MYH4: variants seen among roughly 807,000 people sequenced by gnomAD.
MYH4 encodes myosin heavy chain 4.
A neutral mutation model predicts 229.9 loss-of-function variants in MYH4; 200 were observed. The observed-to-expected ratio is 0.87, with a 90% CI of 0.78 to 0.98. MYH4 has a LOEUF of 0.98. MYH4 is among the 50% of genes least tolerant of loss of function. The pLI is 0.00. For missense variants in MYH4, 2,148 were observed against 2,332.6 expected (o/e 0.92, Z 1.63); for synonymous variants, 761 against 834.6 (o/e 0.91, Z 1.52).
chr17:10,454,457 A>T, intron 22 of MYH4, 98 bp downstream of exon 22: 1 of 1,489,196 alleles, frequency 6.7e-7, no homozygotes, highest in Non-Finnish European at 9.0e-7. Flanking sequence ...GGTGTTTTTG[A>T]ACAGCAAACA....
chr17:10,465,743 G>T, intron 4 of MYH4, 145 bp from the exon 5 acceptor site: 1 of 952,710 alleles, frequency 1.0e-6, no homozygotes, highest in African/African-American at 1.7e-5. Context: ...TTCCATCATT[G>T]CTGCTGCACA....
intron 23 of MYH4, 110 bp from the exon 24 acceptor site, chr17:10,453,438 A>G: frequency 1.9e-6 from 3 of 1,582,792 alleles, no homozygotes; most frequent in Non-Finnish European, 2.6e-6. Flanking sequence ...GAAAATGAGA[A>G]CCAGGAGCTA....
intron 33 of MYH4, 88 bp downstream of exon 33, chr17:10,448,308 C>T (rs983985888): frequency 2.3e-5 from 33 of 1,440,032 alleles, no homozygotes; most frequent in Non-Finnish European, 2.8e-5. Context: ...TGTGTTATTC[C>T]CTAAAGATTT....
chr17:10,451,284 A>G (rs778545773), intron 28 of MYH4, 42 bp downstream of exon 28: 11 of 1,603,084 alleles, frequency 6.9e-6, no homozygotes, highest in Admixed American at 3.5e-5. Context: ...CTTGTCTTTC[A>G]TTCGTCACCT....
intron 3 of MYH4, 35 bp downstream of exon 3, chr17:10,466,507 G>A (rs2072769085): frequency 3.7e-6 from 6 of 1,613,656 alleles, no homozygotes; most frequent in Non-Finnish European, 5.1e-6. Context: ...CCAAAATGAG[G>A]CAGAGTCTAA....
rs942173104 is a variant in MYH4 at position 10,453,653 on chromosome 17, G to A, written c.2924C>T (p.Thr975Ile). The change falls in exon 23 of 40, where the codon ACA (threonine) becomes ATA (isoleucine). Residue 975 changes from threonine (T) to isoleucine (I), a missense_variant. Transcript: ENST00000255381. ...GATCATGATTTGTACCTTGTTCTCT[G>A]TGGCATGTTTCTCCTTCTCAACCTT... Reference protein sequence around the residue: ...LAKVEKEKHATENKVKNLTEE... With the variant: ...LAKVEKEKHAIENKVKNLTEE... The A allele has an allele frequency of 9.9e-6, 16 of 1,614,066 alleles. No homozygotes were observed. The highest frequency in any genetic ancestry group is 2.2e-5 in the East Asian group (1 of 44,880).
chr17:10,451,555 T>G (rs2072573786), intron 27 of MYH4, 103 bp from the exon 28 acceptor site: 1 of 1,279,640 alleles, frequency 7.8e-7, no homozygotes, highest in African/African-American at 1.5e-5. Flanking sequence ...GATTTTTATT[T>G]ACTTTTCTAT....
intron 4 of MYH4, among the ~76,000 whole-genome samples, chr17:10,465,857 C>T (rs908971219): frequency 1.4e-5 from 2 of 141,784 alleles, no homozygotes; most frequent in African/African-American, 5.2e-5. Flanking sequence ...TCACTGCAAG[C>T]TCCGCCTCCC....
chr17:10,451,299 G>A (rs773636450), intron 28 of MYH4, 27 bp downstream of exon 28: 5 of 1,610,688 alleles, frequency 3.1e-6, no homozygotes, highest in East Asian at 4.5e-5. Context: ...TCACCTCTCC[G>A]AAGGTTGATG....
At chr17:10,446,192 A>G (rs2072510779) in intron 35 of MYH4, among the ~76,000 whole-genome samples, 1 of 152,104 alleles carries the variant, frequency 6.6e-6, no homozygotes, top group African/African-American at 2.4e-5. Flanking sequence ...TATATAAAGC[A>G]TGCAATTTTA....
intron 28 of MYH4, among the ~76,000 whole-genome samples, 188 bp from the exon 29 acceptor site, chr17:10,451,083 C>T (rs1333322264): frequency 6.6e-6 from 1 of 152,096 alleles, no homozygotes; most frequent in Non-Finnish European, 1.5e-5. Flanking sequence ...TTTTAGAATT[C>T]GAGAACTTTT....
intron 25 of MYH4, 110 bp downstream of exon 25, chr17:10,452,676 AT>A: frequency 7.4e-7 from 1 of 1,356,478 alleles, no homozygotes; most frequent in Non-Finnish European, 1.0e-6. Context: ...CAAAGATGTC[AT>A]TATTTTTTTC....
At chr17:10,458,110 T>C (rs964321811) in intron 15 of MYH4, among the ~76,000 whole-genome samples, 9 of 152,166 alleles carry the variant, frequency 5.9e-5, no homozygotes, top group African/African-American at 2.2e-4. Flanking sequence ...GGAAGAGAGA[T>C]TATGTGTAAG....
At chr17:10,456,122 A>G (rs2072635863) in intron 17 of MYH4, among the ~76,000 whole-genome samples, 1 of 152,214 alleles carries the variant, frequency 6.6e-6, no homozygotes, top group Non-Finnish European at 1.5e-5. Flanking sequence ...CACCAGTCAG[A>G]GAAACTTTGT....
intron 30 of MYH4, among the ~76,000 whole-genome samples, chr17:10,449,905 T>C (rs2072552884): frequency 6.6e-6 from 1 of 152,216 alleles, no homozygotes; most frequent in Admixed American, 6.5e-5. Context: ...CTTCTTTCAC[T>C]AGGAGTATAA....
chr17:10,454,439 C>G, intron 22 of MYH4, 116 bp downstream of exon 22: 1 of 1,363,274 alleles, frequency 7.3e-7, no homozygotes, highest in South Asian at 1.4e-5. Flanking sequence ...TCTTTATGCC[C>G]GAGTCTTGGT....
intron 35 of MYH4, among the ~76,000 whole-genome samples, chr17:10,445,885 G>A (rs930335581): frequency 5.3e-5 from 8 of 151,766 alleles, no homozygotes; most frequent in East Asian, 1.9e-4. Flanking sequence ...AAAATTAGTC[G>A]AGTGTGGTGG....
intron 19 of MYH4, 52 bp from the exon 20 acceptor site, chr17:10,455,347 C>G (rs750474984): frequency 7.7e-6 from 12 of 1,553,594 alleles, no homozygotes; most frequent in Non-Finnish European, 1.1e-5. Context: ...CTGAAAAAAA[C>G]AGTAGAACAT....
chr17:10,450,800 T>C lies in MYH4; in HGVS notation c.3961A>G (p.Arg1321Gly). The change falls in exon 29 of 40, where the codon AGG becomes GGG. Residue 1321 changes from arginine (R) to glycine (G), a missense_variant. Physicochemically the swap from Arg to Gly is moderately radical, Grantham distance 125. Transcript: ENST00000255381. Reference sequence around the variant, plus strand: ...ACCTTAGTCTCCTCTTCTAGCTGCCTCTTTAATTCTTCAATCTGTTGTGTA... The same window carrying C: ...ACCTTAGTCTCCTCTTCTAGCTGCCCCTTTAATTCTTCAATCTGTTGTGTA... ...AFTQQIEELKRQLEEETKAKS... is the reference protein window; with the variant it reads ...AFTQQIEELKGQLEEETKAKS... 2.5e-6 allele frequency: 4 copies of C among 1,613,962 alleles called. No homozygotes were observed. The highest frequency in any genetic ancestry group is 3.4e-6 in the Non-Finnish European group (4 of 1,179,834).
Sources: allele counts gnomAD v4.1 joint callset (sites outside exome capture counted in the v4.1 genomes callset), GRCh38; gene constraint gnomAD v4.1.1; transcripts MANE v1.5; gene names NCBI Gene and HGNC (gene_info 2026-07-23, HGNC 2026-07-21).